TRDMT1: variants seen among roughly 807,000 people sequenced by gnomAD.
TRDMT1 encodes the protein tRNA aspartic acid methyltransferase 1, also known as tRNA (cytosine(38)-C(5))-methyltransferase.
Under a neutral mutation model 51.2 loss-of-function variants are expected in TRDMT1, and 49 were observed. The observed-to-expected ratio is 0.96, with a 90% CI of 0.76 to 1.21. The LOEUF (loss-of-function observed/expected upper bound fraction) is 1.21. Ranked by LOEUF, TRDMT1 falls within the 50% of genes most tolerant of loss-of-function variation. The probability of loss-of-function intolerance (pLI) is 0.00; values close to 1 mark genes in which losing one functional copy is unlikely to be tolerated. For synonymous variants in TRDMT1, 187 were observed against 164.6 expected, an observed-to-expected ratio of 1.14 and a Z score of -1.04; for missense variants, 534 against 462.3, an observed-to-expected ratio of 1.16 and a Z score of -1.42.
At chr10:17,186,494 C>G (rs1362014972) in intron 1 of TRDMT1, among the ~76,000 whole-genome samples, 2 of 152,084 alleles carry the variant, frequency 1.3e-5, no homozygotes, top group Non-Finnish European at 2.9e-5. Flanking sequence ...TAATGAGCCA[C>G]GTACTATGGG....
At chr10:17,166,315 A>C (rs6602183) in intron 3 of TRDMT1, among the ~76,000 whole-genome samples, 20,371 of 146,232 alleles carry the variant, frequency 0.14, 1,491 homozygotes, top group Admixed American at 0.17. Flanking sequence ...GTGGGAATTG[A>C]ACAATCAGAA....
chr10:17,159,693 G>A (rs917708813), intron 6 of TRDMT1, among the ~76,000 whole-genome samples: 11 of 152,120 alleles, frequency 7.2e-5, no homozygotes, highest in Non-Finnish European at 1.5e-4. Context: ...TCCACAGCTT[G>A]TATCTTGAAT....
At position 17,148,275 on chromosome 10, in the gene TRDMT1, C is replaced by T. The variant is rs1455517103; in HGVS notation, c.*765G>A. ...AGCTTCCTCCCTGAAATCTTAACGT[C>T]ATGCTACATTCCTCAGCGTGCAAAG... On this transcript the variant is annotated 3_prime_UTR_variant, in exon 11 of 11. Transcript: ENST00000377799. 12 of 985,330 alleles carry T rather than the reference C, an allele frequency of 1.2e-5. No individual in the cohort carries two copies. Among genetic ancestry groups the T allele is most frequent in the Non-Finnish European group, 1.4e-5 (12 of 829,962 alleles). 61.0% of individuals were successfully genotyped at this position (985,330 alleles called of 1,614,324 possible).
intron 4 of TRDMT1, 150 bp downstream of exon 4, chr10:17,162,016 T>C: frequency 1.4e-6 from 1 of 715,520 alleles, no homozygotes; most frequent in Non-Finnish European, 2.4e-6. Context: ...GTTACTCTAT[T>C]AGTCATGGTA....
chr10:17,160,376 TA>T lies in TRDMT1; in HGVS notation c.390-3del. On this transcript the variant is annotated splice_region_variant and splice_polypyrimidine_tract_variant and intron_variant, in intron 5 of 10. Transcript: ENST00000377799. ...TCTATTGTTTGTATCAAGAGGTCTC[TA>T]AAAAGAAAAAAAAAAAACTTTAATT... 6.7e-7 allele frequency: 1 copy of T among 1,499,216 alleles called. No homozygotes were observed. The allele number at this position is 1,499,216 out of a possible 1,614,324, so 92.9% of individuals were successfully genotyped here.
At chr10:17,176,125 C>T (rs1588612928) in intron 1 of TRDMT1, among the ~76,000 whole-genome samples, 1 of 152,114 alleles carries the variant, frequency 6.6e-6, no homozygotes, top group East Asian at 1.9e-4. Context: ...TATAAGGATC[C>T]ATTTGCAAAC....
At position 17,143,195 on chromosome 10, in the gene TRDMT1, C is replaced by T; in HGVS notation, c.*5845G>A. 2.0e-6 allele frequency: 2 copies of T among 985,412 alleles called. No homozygotes were observed. The highest frequency in any genetic ancestry group is 1.7e-5 in the African/African-American group (1 of 57,342). The allele number at this position is 985,412 out of a possible 1,614,324, so 61.0% of individuals were successfully genotyped here. The stretch of plus-strand genomic sequence containing the variant: ...CCACAGTGTGGTGCTTTCTATGTAG[C>T]TTCAATATTGATTCCAGTATGGTTC... On this transcript the variant is annotated 3_prime_UTR_variant, in exon 11 of 11. Coordinates refer to ENST00000377799, the MANE Select transcript of TRDMT1 (RefSeq NM_004412.7).
chr10:17,137,716 C>T lies in TRDMT1; in HGVS notation c.*11324G>A, dbSNP rs1417130800. On this transcript the variant is annotated 3_prime_UTR_variant, in exon 11 of 11. Transcript: ENST00000377799. The stretch of plus-strand genomic sequence containing the variant: ...TGGTGGCACACACCTGTAGTCCCAG[C>T]TACTCAGGAGGCGAGGCTGAGGCAG... 2.6e-5 allele frequency: 4 copies of T among 152,052 alleles called. No individual in the cohort carries two copies. The highest frequency in any genetic ancestry group is 9.7e-5 in the African/African-American group (4 of 41,324). 9.4% of individuals were successfully genotyped at this position (152,052 alleles called of 1,614,324 possible). A position where few individuals can be genotyped will look rare whatever the true frequency, so the allele number is the denominator to read the frequency against.
chr10:17,147,951 T>C lies in TRDMT1; in HGVS notation c.*1089A>G, dbSNP rs1167992331. On this transcript the variant is annotated 3_prime_UTR_variant, in exon 11 of 11. Transcript: ENST00000377799. ...CCACAAGCAATGCACAAACTTCCAA[T>C]TTATCCACCTCTAAATAGCTGATTT... 4 of 976,742 alleles carry C rather than the reference T, an allele frequency of 4.1e-6. No individual in the cohort carries two copies. The East Asian group carries it at 4.6e-4, about 111-fold the overall frequency. The allele number at this position is 976,742 out of a possible 1,614,324, so 60.5% of individuals were successfully genotyped here. A position where few individuals can be genotyped will look rare whatever the true frequency, so the allele number is the denominator to read the frequency against.
intron 5 of TRDMT1, among the ~76,000 whole-genome samples, chr10:17,161,249 C>G (rs1266074324): frequency 9.2e-5 from 14 of 152,104 alleles, no homozygotes; most frequent in Non-Finnish European, 1.5e-5. Flanking sequence ...ACCACTTACT[C>G]TAGAAAAATT....
chr10:17,179,731 T>G (rs901803163), intron 1 of TRDMT1, among the ~76,000 whole-genome samples: 5 of 141,960 alleles, frequency 3.5e-5, no homozygotes, highest in African/African-American at 1.3e-4. Flanking sequence ...TGACAAAAAC[T>G]AGCTGATTCC....
chr10:17,153,230 T>C (rs1839010519), intron 10 of TRDMT1: 3 of 470,592 alleles, frequency 6.4e-6, no homozygotes, highest in Non-Finnish European at 1.1e-5. Context: ...CAGCCATCTG[T>C]GGAAAGAGGC....
chr10:17,161,561 A>T lies in TRDMT1; in HGVS notation c.324-13T>A. ...TAATTTTTGTAATCTATAAAAAAAT[A>T]AACAAATGGAATTCTAAATATCTCA... On this transcript the variant is annotated splice_polypyrimidine_tract_variant and intron_variant, in intron 4 of 10. Transcript: ENST00000377799. 8.2e-7 allele frequency: 1 copy of T among 1,213,956 alleles called. No homozygotes were observed. The highest frequency in any genetic ancestry group is 1.1e-6 in the Non-Finnish European group (1 of 891,426). The allele number at this position is 1,213,956 out of a possible 1,614,324, so 75.2% of individuals were successfully genotyped here.
chr10:17,149,837 T>C (rs1838459913), intron 10 of TRDMT1, among the ~76,000 whole-genome samples: 1 of 152,220 alleles, frequency 6.6e-6, no homozygotes, highest in Non-Finnish European at 1.5e-5. Flanking sequence ...TGGTGAATAA[T>C]ATTCTATTGT....
At chr10:17,187,823 G>A (rs184601885) in intron 1 of TRDMT1, among the ~76,000 whole-genome samples, 1 of 152,084 alleles carries the variant, frequency 6.6e-6, no homozygotes, top group East Asian at 1.9e-4. Context: ...CACTGTATGT[G>A]CCCAAACATA....
intron 8 of TRDMT1, among the ~76,000 whole-genome samples, chr10:17,156,126 G>T (rs970930067): frequency 3.3e-5 from 5 of 152,118 alleles, no homozygotes. Flanking sequence ...GATATTAATA[G>T]CTAGCTAGAA....
chr10:17,192,181 T>C (rs1023258352), intron 1 of TRDMT1, among the ~76,000 whole-genome samples: 1 of 152,126 alleles, frequency 6.6e-6, no homozygotes, highest in Non-Finnish European at 1.5e-5. Flanking sequence ...AGGTAAAGCC[T>C]GTAGAACTGG....
At chr10:17,162,261 A>C (rs764722225) in intron 3 of TRDMT1, 24 bp from the exon 4 acceptor site, 87 of 1,505,342 alleles carry the variant, frequency 5.8e-5, no homozygotes, top group Non-Finnish European at 6.6e-5. Flanking sequence ...AAAAAAAAAA[A>C]ACAAAAAAAA....
In TRDMT1 at chr10:17,144,990, G is replaced by A; in HGVS notation, c.*4050C>T. 2.0e-6 allele frequency: 2 copies of A among 984,988 alleles called. No individual in the cohort carries two copies. The highest frequency in any genetic ancestry group is 1.7e-5 in the African/African-American group (1 of 57,324). The allele number at this position is 984,988 out of a possible 1,614,324, so 61.0% of individuals were successfully genotyped here. On this transcript the variant is annotated 3_prime_UTR_variant, in exon 11 of 11. Coordinates refer to ENST00000377799, the MANE Select transcript of TRDMT1 (RefSeq NM_004412.7). The stretch of plus-strand genomic sequence containing the variant: ...AGGCTGGGCGTGGTGGCTCATGCCT[G>A]TAAAACCCAGCACTTAGGGAAGCCA...
Sources: allele counts gnomAD v4.1 joint callset (sites outside exome capture counted in the v4.1 genomes callset), GRCh38; gene constraint gnomAD v4.1.1; transcripts MANE v1.5; gene names NCBI Gene and HGNC (gene_info 2026-07-23, HGNC 2026-07-21).